SECISBP2: variants seen among roughly 807,000 people sequenced by gnomAD.
The protein encoded by SECISBP2 is SECIS binding protein 2, also known as selenocysteine insertion sequence-binding protein 2.
In SECISBP2, 96 loss-of-function variants were observed where a neutral mutation model predicts 98.2. The observed-to-expected ratio is 0.98, with a 90% CI of 0.83 to 1.16. The LOEUF (loss-of-function observed/expected upper bound fraction) is 1.16, where lower values mean the gene tolerates loss of function less well. Among genes scored for constraint, SECISBP2 ranks in the 50% most tolerant of loss-of-function variants. The probability of loss-of-function intolerance (pLI) is 0.00; values close to 1 mark genes in which losing one functional copy is unlikely to be tolerated. For missense variants in SECISBP2, 1,046 were observed against 1,022.9 expected (o/e 1.02, Z -0.31); for synonymous variants, 407 against 370.2 (o/e 1.10, Z -1.14).
At chr9:89,322,191 T>C (rs1459018359) in intron 2 of SECISBP2, 1 of 152,264 alleles carries the variant, frequency 6.6e-6, no homozygotes, top group Non-Finnish European at 1.5e-5. Flanking sequence ...ACCAGACTCT[T>C]CCATATTTAT....
At chr9:89,358,313 A>G (rs988343228) in intron 16 of SECISBP2, 122 bp downstream of exon 16, 2 of 1,000,100 alleles carry the variant, frequency 2.0e-6, no homozygotes, top group Non-Finnish European at 3.1e-6. Flanking sequence ...AGGGCCTGGT[A>G]AGTCCAGCCC....
chr9:89,349,522 T>C (rs1279587739), intron 12 of SECISBP2, among the ~76,000 whole-genome samples: 1 of 152,244 alleles, frequency 6.6e-6, no homozygotes, highest in East Asian at 1.9e-4. Context: ...TATTTTACCA[T>C]AATAAAAATG....
Position 89,319,772 on chromosome 9 carries a change from T to C in SECISBP2, c.157T>C (p.Phe53Leu), listed in dbSNP as rs1289100476. 6.2e-7 allele frequency: 1 copy of C among 1,614,154 alleles called. No homozygotes were observed. ...CAGCTCTGCAGCCACATACTATCCGTTTGTTCAGGAACCACCAGTGACAGA... is the reference window on the plus strand; with the variant it reads ...CAGCTCTGCAGCCACATACTATCCGCTTGTTCAGGAACCACCAGTGACAGA... Reference protein sequence around the residue: ...FPSSAATYYPFVQEPPVTEQK... With the variant: ...FPSSAATYYPLVQEPPVTEQK... The change falls in exon 2 of 17, where the codon TTT becomes CTT. Residue 53 changes from phenylalanine to leucine, a missense_variant. Phe to Leu is a conservative substitution (Grantham distance 22). Transcript: ENST00000375807.
At chr9:89,363,681 A>C (rs1437209083), downstream of SECISBP2, 2 of 1,594,418 alleles carry the variant, frequency 1.3e-6, no homozygotes, top group Non-Finnish European at 1.7e-6. Flanking sequence ...TTTCACTGCC[A>C]TTGTAAATAG....
rs112453190 is a variant in SECISBP2, at chr9:89,334,628, T to C, written c.987T>C (p.Ala329=). The change falls in exon 7 of 17, where the codon GCT becomes GCC. Residue 329 remains alanine, a synonymous_variant. Coordinates refer to ENST00000375807, the MANE Select transcript of SECISBP2 (RefSeq NM_024077.5). ...CTATGATAAACTTAAAGACCATTGC[T>C]TCATCAGCAGATCCTAAAAATGTTA... ...VTSMINLKTI[A]SSADPKNVSI... The C allele has an allele frequency of 1.2e-6, 2 of 1,614,070 alleles. No individual in the cohort carries two copies. Among genetic ancestry groups the C allele is most frequent in the Admixed American group, 3.3e-5 (2 of 60,024 alleles).
chr9:89,351,329 GTGTTTT>G lies in SECISBP2; in HGVS notation c.2113+484_2113+489del, dbSNP rs535574565. ...TGCCATTTTACTTAAACTGGAATGT[GTGTTTT>G]TGTTTTGTTGGATGTGATATGCTGG... On this transcript the variant is annotated intron_variant, in intron 14 of 16. Coordinates refer to ENST00000375807, the MANE Select transcript of SECISBP2 (RefSeq NM_024077.5). Among the ~76,000 whole-genome samples the G allele has an allele frequency of 4.7e-3, 715 of 152,362 alleles. 3 individuals are homozygous for G. The highest frequency in any genetic ancestry group is 8.0e-3 in the Non-Finnish European group (547 of 68,034).
chr9:89,344,270 A>G (rs1830116893), intron 10 of SECISBP2, among the ~76,000 whole-genome samples: 1 of 151,732 alleles, frequency 6.6e-6, no homozygotes, highest in South Asian at 2.1e-4. Context: ...CTGTCTGTTC[A>G]CTCTGATGAT....
At chr9:89,320,185 C>T (rs1825484996) in intron 2 of SECISBP2, among the ~76,000 whole-genome samples, 2 of 151,772 alleles carry the variant, frequency 1.3e-5, no homozygotes, top group South Asian at 4.2e-4. Flanking sequence ...GGTGAAACTC[C>T]GTCTCCACAA....
chr9:89,364,067 ACAACTTC>A, downstream of SECISBP2: 1 of 1,590,476 alleles, frequency 6.3e-7, no homozygotes, highest in Non-Finnish European at 8.6e-7. Flanking sequence ...GTGACTTGGG[ACAACTTC>A]CAATTCAGTC....
chr9:89,355,266 T>C, intron 14 of SECISBP2: 1 of 985,438 alleles, frequency 1.0e-6, no homozygotes, highest in Non-Finnish European at 1.2e-6. Context: ...CCGTAAAGAC[T>C]GGGTGAGTAT....
chr9:89,341,320 G>A, intron 9 of SECISBP2, 27 bp from the exon 10 acceptor site: 1 of 1,603,154 alleles, frequency 6.2e-7, no homozygotes, highest in Non-Finnish European at 8.5e-7. Context: ...AGTTTTATAA[G>A]TAAACTTACG....
the SECISBP2 span, chr9:89,365,139 G>A: frequency 6.6e-6 from 1 of 152,508 alleles, no homozygotes; most frequent in African/African-American, 2.4e-5. Flanking sequence ...CTCAAATGCA[G>A]AAAGGGCTGA....
intron 4 of SECISBP2, among the ~76,000 whole-genome samples, chr9:89,328,007 T>C (rs892050349): frequency 7.9e-5 from 12 of 152,324 alleles, no homozygotes; most frequent in Middle Eastern, 3.4e-3. Context: ...GGTTTTACCA[T>C]GTTGGCCAGG....
intron 10 of SECISBP2, among the ~76,000 whole-genome samples, chr9:89,344,752 T>C (rs779739538): frequency 8.5e-5 from 13 of 152,226 alleles, no homozygotes; most frequent in African/African-American, 1.2e-4. Flanking sequence ...TTAGTTTATA[T>C]ATTGAAGAAA....
In SECISBP2 at chr9:89,336,867, G is replaced by A. The variant is rs150674244; in HGVS notation, c.1090-1591G>A. Among the ~76,000 whole-genome samples, 374 of 150,950 alleles carry A rather than the reference G, an allele frequency of 2.5e-3. 6 individuals are homozygous for A. Among genetic ancestry groups the A allele is most frequent in the Non-Finnish European group, 2.1e-3 (144 of 67,828 alleles). On this transcript the variant is annotated intron_variant, in intron 7 of 16. Coordinates refer to ENST00000375807, the MANE Select transcript of SECISBP2 (RefSeq NM_024077.5). ...GCTCACTGCAACCTCCGCCTCCTGG[G>A]TTCAAGCAATTCTCCTGCCTTAGTC...
chr9:89,348,641 C>T (rs1830795345), intron 12 of SECISBP2, among the ~76,000 whole-genome samples: 1 of 152,264 alleles, frequency 6.6e-6, no homozygotes, highest in Non-Finnish European at 1.5e-5. Context: ...TATCAGTGTA[C>T]AGCTTGAAGA....
intron 13 of SECISBP2, among the ~76,000 whole-genome samples, chr9:89,350,216 C>T (rs559829994): frequency 2.0e-5 from 3 of 152,266 alleles, no homozygotes; most frequent in South Asian, 4.1e-4. Flanking sequence ...TCTTTGGGCC[C>T]CTTTTCATGG....
intron 16 of SECISBP2, 31 bp from the exon 17 acceptor site, chr9:89,358,690 A>G (rs779316897): frequency 5.5e-6 from 8 of 1,442,852 alleles, no homozygotes; most frequent in African/African-American, 4.2e-5. Flanking sequence ...GTTGATGCCT[A>G]TTCCTCACTC....
chr9:89,319,129 A>G (rs904324034), intron 1 of SECISBP2: 9 of 852,058 alleles, frequency 1.1e-5, no homozygotes, highest in African/African-American at 1.8e-5. Flanking sequence ...TGAAATTTCA[A>G]AGGCTCGTGG....
Sources: allele counts gnomAD v4.1 joint callset (sites outside exome capture counted in the v4.1 genomes callset), GRCh38; gene constraint gnomAD v4.1.1; transcripts MANE v1.5; gene names NCBI Gene and HGNC (gene_info 2026-07-23, HGNC 2026-07-21).